Variants in PLEKHM3 observed in about 807,000 individuals in gnomAD.
PLEKHM3 encodes pleckstrin homology domain-containing family M member 3.
In PLEKHM3, 45 loss-of-function variants were observed where a neutral mutation model predicts 81.8. The ratio of observed to expected loss-of-function variants is 0.55; its 90% CI spans 0.43 to 0.71. The LOEUF is 0.71. Among genes scored for constraint, PLEKHM3 ranks in the 30% least tolerant of loss-of-function variants. PLEKHM3 has a pLI of 0.00. For missense variants in PLEKHM3, 788 were observed against 924.3 expected (o/e 0.85, Z 1.91); for synonymous variants, 352 against 356.4 (o/e 0.99, Z 0.14).
At chr2:207,917,528 G>A (rs1574403916) in intron 5 of PLEKHM3, among the ~76,000 whole-genome samples, 1 of 152,168 alleles carries the variant, frequency 6.6e-6, no homozygotes, top group African/African-American at 2.4e-5. Flanking sequence ...ACTCCAGTCT[G>A]TGTAGATTGT....
intron 5 of PLEKHM3, among the ~76,000 whole-genome samples, chr2:207,915,187 A>G (rs1688947246): frequency 6.6e-6 from 1 of 152,220 alleles, no homozygotes; most frequent in South Asian, 2.1e-4. Context: ...GGCTTCATTT[A>G]TAGATTGCTC....
At chr2:207,926,804 G>C (rs1003128687) in intron 5 of PLEKHM3, among the ~76,000 whole-genome samples, 12 of 152,152 alleles carry the variant, frequency 7.9e-5, no homozygotes, top group Admixed American at 6.6e-4. Flanking sequence ...AAAACAGTGA[G>C]GATGAATACC....
Position 207,859,211 on chromosome 2 carries a change from T to G in PLEKHM3, c.2108+1894A>C, listed in dbSNP as rs535178588. On this transcript the variant is annotated intron_variant, in intron 7 of 7. Transcript: ENST00000427836. Reference sequence around the variant, plus strand: ...GGAGGGCAATGGCGCAATCTCTGGCTCACCGCAACCTCCGCCTCCCTGGTT... The same window carrying G: ...GGAGGGCAATGGCGCAATCTCTGGCGCACCGCAACCTCCGCCTCCCTGGTT... 2.0e-5 allele frequency among the ~76,000 whole-genome samples: 3 copies of G among 148,924 alleles called. No individual in the cohort carries two copies. The East Asian group carries it at 6.0e-4, about 30-fold the overall frequency.
chr2:207,878,114 A>T (rs77223152), intron 6 of PLEKHM3, among the ~76,000 whole-genome samples: 2 of 152,084 alleles, frequency 1.3e-5, no homozygotes, highest in African/African-American at 4.8e-5. Flanking sequence ...AATTTTAAAA[A>T]TTTTTTGGAG....
intron 6 of PLEKHM3, among the ~76,000 whole-genome samples, chr2:207,892,857 A>G (rs1308034017): frequency 1.3e-5 from 2 of 152,214 alleles, no homozygotes; most frequent in Non-Finnish European, 1.5e-5. Context: ...CCAAGGAGAC[A>G]GACTGCCTGC....
At chr2:207,995,308 C>T (rs777379658) in intron 2 of PLEKHM3, among the ~76,000 whole-genome samples, 8 of 152,198 alleles carry the variant, frequency 5.3e-5, no homozygotes, top group Non-Finnish European at 1.0e-4. Context: ...TTACAAGGCA[C>T]ACATAAATCT....
chr2:207,902,261 T>C (rs7577449), intron 6 of PLEKHM3, among the ~76,000 whole-genome samples: 34,332 of 152,240 alleles, frequency 0.23, 4,206 homozygotes, highest in Middle Eastern at 0.28. Flanking sequence ...CTGCTGACTC[T>C]GTGAGAGCGT....
intron 6 of PLEKHM3, among the ~76,000 whole-genome samples, chr2:207,899,549 G>A (rs926749732): frequency 2.0e-5 from 3 of 152,152 alleles, no homozygotes; most frequent in African/African-American, 7.2e-5. Flanking sequence ...AACACCCAGC[G>A]AGGGGCTTGG....
intron 2 of PLEKHM3, among the ~76,000 whole-genome samples, chr2:207,988,924 T>C (rs1313852511): frequency 6.6e-6 from 1 of 152,206 alleles, no homozygotes. Context: ...GTTCTCTGTC[T>C]GGGGCTTCTC....
At chr2:207,938,559 G>T (rs60678687) in intron 4 of PLEKHM3, among the ~76,000 whole-genome samples, 2 of 152,248 alleles carry the variant, frequency 1.3e-5, no homozygotes, top group African/African-American at 4.8e-5. Context: ...CTCACAATTA[G>T]GAGAATTAAG....
In PLEKHM3 at chr2:207,843,623, C is replaced by T. The variant is rs73062854; in HGVS notation, c.2109-15127G>A. Among the ~76,000 whole-genome samples, 1,207 of 152,292 alleles carry T rather than the reference C, an allele frequency of 7.9e-3. 14 individuals are homozygous for T. The highest frequency in any genetic ancestry group is 0.027 in the African/African-American group (1,104 of 41,558). ...ACCTCAGGCCTCTGAGCTCATTCCA[C>T]GCTGCCTCCCTCTCTGACTCCTGTG... On this transcript the variant is annotated intron_variant, in intron 7 of 7. Transcript: ENST00000427836. This position sits in a 1 kb window ranked among gnomAD's most constrained non-coding sequence, Gnocchi z 4.4.
chr2:207,962,590 A>C (rs1690775233), intron 3 of PLEKHM3, among the ~76,000 whole-genome samples: 1 of 152,254 alleles, frequency 6.6e-6, no homozygotes. Flanking sequence ...GTCACTGTGC[A>C]GGTGGCCTGG....
chr2:207,943,854 C>T (rs1306552587), intron 4 of PLEKHM3, among the ~76,000 whole-genome samples: 3 of 109,080 alleles, frequency 2.8e-5, no homozygotes, highest in African/African-American at 7.7e-5. Context: ...GGCGACAGAG[C>T]GAGACTCCGT....
intron 5 of PLEKHM3, among the ~76,000 whole-genome samples, chr2:207,914,503 A>C (rs1201934588): frequency 2.0e-5 from 3 of 151,622 alleles, no homozygotes; most frequent in African/African-American, 4.8e-5. Flanking sequence ...CGTCTCAAAA[A>C]AAAAAACAAA....
intron 7 of PLEKHM3, among the ~76,000 whole-genome samples, chr2:207,860,611 C>G (rs2092462431): frequency 6.6e-6 from 1 of 152,188 alleles, no homozygotes; most frequent in Non-Finnish European, 1.5e-5. Flanking sequence ...TCCCATTTTT[C>G]TCTCCTTTGG....
Position 207,977,382 on chromosome 2 carries a change from T to C in PLEKHM3, c.815A>G (p.Glu272Gly), listed in dbSNP as rs1297083224. The C allele has an allele frequency of 1.2e-6, 2 of 1,614,174 alleles. No individual in the cohort carries two copies. Among genetic ancestry groups the C allele is most frequent in the South Asian group, 2.2e-5 (2 of 91,084 alleles). The part of the protein sequence containing the change: ...FQSISVLGNL[E>G]ARMVDTVLYD... ...CAAAACAGTATCCACCATCCTGGCC[T>C]CCAGGTTGCCTAAAACAGATATGCT... is the stretch of plus-strand genomic sequence containing the variant. Residue 272 changes from glutamate to glycine, a missense_variant, in exon 3 of 8, where the codon GAG (glutamate) becomes GGG (glycine). Transcript: ENST00000427836.
chr2:207,882,339 C>T (rs1056896321), intron 6 of PLEKHM3, among the ~76,000 whole-genome samples: 6 of 150,920 alleles, frequency 4.0e-5, no homozygotes, highest in South Asian at 2.1e-4. Flanking sequence ...TGGCCGGATG[C>T]GGTGGCTGAC....
At position 207,828,114 on chromosome 2, in the gene PLEKHM3, T is replaced by C. The variant is rs1175073031; in HGVS notation, c.*205A>G. 4 of 339,232 alleles carry C rather than the reference T, an allele frequency of 1.2e-5. No homozygotes were observed. The highest frequency in any genetic ancestry group is 2.0e-5 in the Non-Finnish European group (4 of 195,208). 21.0% of individuals were successfully genotyped at this position (339,232 alleles called of 1,614,324 possible). On this transcript the variant is annotated 3_prime_UTR_variant, in exon 8 of 8. Coordinates refer to ENST00000427836, the MANE Select transcript of PLEKHM3 (RefSeq NM_001080475.3). ...AGTTTCTCGAGCCACAGAGGTTCTG[T>C]GGATCGTCTGGACAATGATGTACAC... is the stretch of plus-strand genomic sequence containing the variant.
intron 4 of PLEKHM3, among the ~76,000 whole-genome samples, chr2:207,937,526 T>C (rs1689795836): frequency 6.7e-6 from 1 of 149,418 alleles, no homozygotes; most frequent in Non-Finnish European, 1.5e-5. Context: ...GTTACAGTCA[T>C]GCCACTGCAC....
Sources: allele counts gnomAD v4.1 joint callset (sites outside exome capture counted in the v4.1 genomes callset), GRCh38; gene constraint gnomAD v4.1.1; non-coding constraint Gnocchi (gnomAD v3.1); transcripts MANE v1.5; gene names NCBI Gene and HGNC (gene_info 2026-07-23, HGNC 2026-07-21).